NAV2: variants seen among roughly 807,000 people sequenced by gnomAD.
NAV2 encodes neuron navigator 2, also known as helicase, APC down-regulated 1.
In NAV2, 54 loss-of-function variants were observed where a neutral mutation model predicts 223.2. That is an observed-to-expected ratio of 0.24 (90% CI 0.19 to 0.30). The LOEUF is 0.30. NAV2 is among the 10% of genes least tolerant of loss of function. The pLI, the probability that NAV2 is intolerant of heterozygous loss-of-function variation, is 1.00. For synonymous variants in NAV2, 1,279 were observed against 1,239.3 expected (o/e 1.03, Z -0.67); for missense variants, 2,806 against 3,147.5 (o/e 0.89, Z 2.60).
chr11:19,426,718 C>G (rs562189805), intron 1 of NAV2, among the ~76,000 whole-genome samples: 1 of 151,564 alleles, frequency 6.6e-6, no homozygotes, highest in Non-Finnish European at 1.5e-5. Context: ...AGTTGGGGGG[C>G]GGGGTTGTCA....
At chr11:20,043,364 C>T (rs1259925970) in intron 12 of NAV2, among the ~76,000 whole-genome samples, 2 of 152,220 alleles carry the variant, frequency 1.3e-5, no homozygotes, top group Non-Finnish European at 2.9e-5. Context: ...TCTCCATCTG[C>T]TCTGCCCCTT....
At chr11:19,521,870 C>A (rs1362651226) in intron 1 of NAV2, among the ~76,000 whole-genome samples, 2 of 152,206 alleles carry the variant, frequency 1.3e-5, no homozygotes, top group Non-Finnish European at 2.9e-5. Flanking sequence ...CACTATCATT[C>A]AATCACTTTT....
chr11:19,514,669 T>C (rs1281807677), intron 1 of NAV2, among the ~76,000 whole-genome samples: 1 of 152,218 alleles, frequency 6.6e-6, no homozygotes, highest in Non-Finnish European at 1.5e-5. Flanking sequence ...GAGAGAATTC[T>C]GGGTGGAAGG....
chr11:19,643,405 A>G (rs1389803679), intron 1 of NAV2, among the ~76,000 whole-genome samples: 1 of 147,578 alleles, frequency 6.8e-6, no homozygotes, highest in African/African-American at 2.5e-5. Flanking sequence ...ATGAGTGAGA[A>G]CATGCGGTGT....
chr11:19,935,348 C>T (rs1315375902), intron 7 of NAV2, among the ~76,000 whole-genome samples: 1 of 152,230 alleles, frequency 6.6e-6, no homozygotes. Context: ...CACTCACACT[C>T]ATACAGCCAT....
intron 11 of NAV2, among the ~76,000 whole-genome samples, chr11:19,987,716 A>AAG (rs2050922776): frequency 6.6e-6 from 1 of 152,034 alleles, no homozygotes; most frequent in African/African-American, 2.4e-5. Context: ...CTTCTAAGAA[A>AAG]TAATAAATGA....
intron 34 of NAV2, chr11:20,104,089 G>A (rs984095103): frequency 4.6e-5 from 12 of 259,114 alleles, no homozygotes; most frequent in East Asian, 1.1e-4. Flanking sequence ...TTCCAGTGGC[G>A]TCTCTCTGTC....
intron 1 of NAV2, among the ~76,000 whole-genome samples, chr11:19,779,093 G>C (rs180839512): frequency 6.6e-6 from 1 of 152,208 alleles, no homozygotes; most frequent in African/African-American, 2.4e-5. Flanking sequence ...AGTCTATGGA[G>C]GGAGCTTTCC....
At chr11:19,695,399 T>G (rs1758164732) in intron 1 of NAV2, among the ~76,000 whole-genome samples, 1 of 128,144 alleles carries the variant, frequency 7.8e-6, no homozygotes, top group Non-Finnish European at 1.8e-5. Context: ...TTGAGGAATA[T>G]TTGCTCCCAG....
At chr11:20,009,206 A>G (rs1226640770) in intron 11 of NAV2, among the ~76,000 whole-genome samples, 1 of 152,208 alleles carries the variant, frequency 6.6e-6, no homozygotes, top group Non-Finnish European at 1.5e-5. Flanking sequence ...AAACTCTGTG[A>G]CCTCAAGCAA....
chr11:19,975,460 A>G (rs2049635490), intron 10 of NAV2, among the ~76,000 whole-genome samples: 1 of 152,206 alleles, frequency 6.6e-6, no homozygotes, highest in South Asian at 2.1e-4. Flanking sequence ...ATATACGTAT[A>G]GATCTTTTTC....
chr11:19,916,943 T>TGA (rs1478991945), intron 6 of NAV2, among the ~76,000 whole-genome samples: 1 of 152,212 alleles, frequency 6.6e-6, no homozygotes, highest in South Asian at 2.1e-4. Context: ...AATGGGGAGA[T>TGA]GAGAAGACAA....
At chr11:19,867,945 G>A (rs1325443910) in intron 3 of NAV2, among the ~76,000 whole-genome samples, 1 of 152,180 alleles carries the variant, frequency 6.6e-6, no homozygotes, top group Non-Finnish European at 1.5e-5. Context: ...GGAGCATTGG[G>A]AAATTGCTTG....
rs534365605 is a variant in NAV2 at position 19,902,350 on chromosome 11, C to G, written c.931+9756C>G. 1.3e-4 allele frequency among the ~76,000 whole-genome samples: 20 copies of G among 152,226 alleles called. No homozygotes were observed. In the South Asian group the frequency reaches 4.2e-3, roughly 32 times the overall value. On this transcript the variant is annotated intron_variant, in intron 6 of 37. Transcript: ENST00000349880. ...AAACTAATAACCTTTAATGCTGAAG[C>G]CATCCTTTTTTCACAGAGAAGAAGA... is the stretch of plus-strand genomic sequence containing the variant.
chr11:19,537,573 T>C (rs139405987), intron 1 of NAV2, among the ~76,000 whole-genome samples: 45 of 152,318 alleles, frequency 3.0e-4, no homozygotes, highest in Middle Eastern at 3.4e-3. Flanking sequence ...CAGTTTCAGT[T>C]TATTATTTCA....
intron 11 of NAV2, among the ~76,000 whole-genome samples, chr11:19,999,820 C>T (rs994427824): frequency 2.0e-5 from 3 of 152,234 alleles, no homozygotes; most frequent in African/African-American, 7.2e-5. Context: ...ACAAGGTTAG[C>T]ACAGTGCCTG....
chr11:19,786,849 G>T (rs1226467921), intron 1 of NAV2, among the ~76,000 whole-genome samples: 2 of 152,154 alleles, frequency 1.3e-5, no homozygotes, highest in Non-Finnish European at 2.9e-5. Flanking sequence ...GTTAAGGTGG[G>T]TGTGGTAGCG....
chr11:19,904,422 G>A (rs2028604), intron 6 of NAV2, among the ~76,000 whole-genome samples: 36,396 of 151,886 alleles, frequency 0.24, 5,063 homozygotes, highest in East Asian at 0.48. Flanking sequence ...AAAAAAAAGA[G>A]GGGTACTATG....
intron 1 of NAV2, among the ~76,000 whole-genome samples, chr11:19,791,263 A>G (rs1052177447): frequency 2.0e-5 from 3 of 152,104 alleles, no homozygotes; most frequent in African/African-American, 2.4e-5. Context: ...CAGGTTAACC[A>G]TTACCACCTC....
Sources: allele counts gnomAD v4.1 joint callset (sites outside exome capture counted in the v4.1 genomes callset), GRCh38; gene constraint gnomAD v4.1.1; transcripts MANE v1.5; gene names NCBI Gene and HGNC (gene_info 2026-07-23, HGNC 2026-07-21).